The following LINGO2 variants were observed in gnomAD, a reference collection of about 807,000 sequenced individuals.
LINGO2 encodes the protein leucine rich repeat and Ig domain containing 2.
Under a neutral mutation model 30.6 loss-of-function variants are expected in LINGO2, and 14 were observed. The observed-to-expected ratio is 0.46, with a 90% CI of 0.30 to 0.72. The LOEUF (loss-of-function observed/expected upper bound fraction) is 0.72, where lower values mean the gene tolerates loss of function less well. LINGO2 is among the 30% of genes least tolerant of loss of function. LINGO2 has a pLI of 0.07. For synonymous variants in LINGO2, 317 were observed against 288.5 expected (o/e 1.10, Z -1.00); for missense variants, 729 against 751.7 (o/e 0.97, Z 0.35).
chr9:29,070,196 A>G, the LINGO2 span, among the ~76,000 whole-genome samples: 1 of 152,158 alleles, frequency 6.6e-6, no homozygotes, highest in Non-Finnish European at 1.5e-5. Flanking sequence ...TAAAAAAATT[A>G]GATAACATAC....
chr9:28,485,469 A>G (rs944683239), intron 1 of LINGO2, among the ~76,000 whole-genome samples: 1 of 152,138 alleles, frequency 6.6e-6, no homozygotes, highest in African/African-American at 2.4e-5. Context: ...CAAGTAAATG[A>G]TAATGACATT....
chr9:27,957,296 T>C (rs1002124814), intron 5 of LINGO2, among the ~76,000 whole-genome samples: 5 of 152,250 alleles, frequency 3.3e-5, no homozygotes, highest in South Asian at 2.1e-4. Flanking sequence ...GTAGCTTTTA[T>C]TTTTTGTTTG....
chr9:27,952,124 A>C (rs1819343646), intron 5 of LINGO2, among the ~76,000 whole-genome samples: 1 of 152,078 alleles, frequency 6.6e-6, no homozygotes, highest in African/African-American at 2.4e-5. Flanking sequence ...AATCAACTAA[A>C]ATGATTAGAA....
intron 4 of LINGO2, among the ~76,000 whole-genome samples, chr9:28,131,376 G>A (rs1827374375): frequency 6.6e-6 from 1 of 151,988 alleles, no homozygotes. Context: ...TTTCTTTTAT[G>A]TCACTTAACT....
the LINGO2 span, among the ~76,000 whole-genome samples, chr9:28,845,427 C>T: frequency 6.6e-6 from 1 of 151,776 alleles, no homozygotes. Context: ...CCTATTATGT[C>T]TTATGAAAAT....
In LINGO2 at chr9:28,329,125, C is replaced by T. The variant is rs190060202; in HGVS notation, c.-245-33759G>A. Among the ~76,000 whole-genome samples the T allele has an allele frequency of 9.9e-5, 15 of 152,220 alleles. No individual in the cohort carries two copies. The East Asian group carries it at 2.9e-3, about 29-fold the overall frequency. The stretch of plus-strand genomic sequence containing the variant: ...ATAAATATTTTTGCATATTCCTTTG[C>T]TCCAGTCACTTACTAAGACAGACAG... On this transcript the variant is annotated intron_variant, in intron 3 of 5. Transcript: ENST00000379992. The surrounding 1 kb of genome is among the most constrained non-coding windows in gnomAD (Gnocchi z 4.5).
chr9:28,588,781 G>A (rs538609377), intron 1 of LINGO2, among the ~76,000 whole-genome samples: 3 of 151,960 alleles, frequency 2.0e-5, no homozygotes, highest in Non-Finnish European at 4.4e-5. Flanking sequence ...ACAAGGACAG[G>A]TACAGATATT....
At chr9:28,990,197 A>G in the LINGO2 span, among the ~76,000 whole-genome samples, 18,431 of 152,136 alleles carry the variant, frequency 0.12, 1,095 homozygotes, top group South Asian at 0.15. Context: ...ACACCAGGAG[A>G]TTATATCCCG....
chr9:29,106,222 A>G, the LINGO2 span, among the ~76,000 whole-genome samples: 1 of 152,154 alleles, frequency 6.6e-6, no homozygotes, highest in Non-Finnish European at 1.5e-5. Context: ...TGAGTGAATT[A>G]TCTTAATTGG....
the LINGO2 span, among the ~76,000 whole-genome samples, chr9:28,943,182 A>G: frequency 6.6e-6 from 1 of 152,200 alleles, no homozygotes. Context: ...TGTCATAGTC[A>G]AAACAGTCAT....
intron 1 of LINGO2, among the ~76,000 whole-genome samples, chr9:28,572,063 G>T (rs1044973490): frequency 1.3e-5 from 2 of 151,972 alleles, no homozygotes; most frequent in Admixed American, 6.6e-5. Flanking sequence ...ACTCTACACC[G>T]TGCTGTCACC....
At chr9:28,539,085 C>A (rs1222383320) in intron 1 of LINGO2, among the ~76,000 whole-genome samples, 3 of 151,568 alleles carry the variant, frequency 2.0e-5, no homozygotes, top group East Asian at 1.9e-4. Flanking sequence ...AAAATACATA[C>A]CTAAATAAAA....
chr9:28,751,288 C>CAAAAAAAAAAAAAAAAAAA, the LINGO2 span, among the ~76,000 whole-genome samples: 2 of 82,020 alleles, frequency 2.4e-5, no homozygotes, highest in Non-Finnish European at 4.7e-5. Context: ...AAGATCCAGT[C>CAAAAAAAAAAAAAAAAAAA]AAAAAAAAAA....
the LINGO2 span, among the ~76,000 whole-genome samples, chr9:28,857,642 G>C: frequency 6.6e-6 from 1 of 152,052 alleles, no homozygotes; most frequent in Non-Finnish European, 1.5e-5. Context: ...TAGATCTGCA[G>C]TGTTAAATGC....
chr9:28,546,510 T>C (rs1309044879), intron 1 of LINGO2, among the ~76,000 whole-genome samples: 1 of 152,036 alleles, frequency 6.6e-6, no homozygotes, highest in Non-Finnish European at 1.5e-5. Flanking sequence ...TTCTCCTGAG[T>C]ATAGGGCAGG....
At chr9:28,355,055 C>T (rs1368829066) in intron 3 of LINGO2, among the ~76,000 whole-genome samples, 1 of 152,118 alleles carries the variant, frequency 6.6e-6, no homozygotes, top group Non-Finnish European at 1.5e-5. Context: ...CCAAAACATT[C>T]TAAAACTAAG....
rs531119250 is a variant in LINGO2 at position 27,950,436 on chromosome 9, G to A, written c.236C>T (p.Ser79Leu). The change falls in exon 6 of 6, where the codon TCA becomes TTA. Residue 79 changes from serine to leucine, a missense_variant. Transcript: ENST00000379992. Reference sequence around the variant, plus strand: ...GTCTATCTCTTCCAGCAGAGGATATGATATGAATTCTTCAGGGTTGACGCT... The same window carrying A: ...GTCTATCTCTTCCAGCAGAGGATATAATATGAATTCTTCAGGGTTGACGCT... 3.1e-6 allele frequency: 5 copies of A among 1,613,854 alleles called. No individual in the cohort carries two copies. The African/African-American group carries it at 6.7e-5, about 22-fold the overall frequency.
At chr9:27,994,477 G>A (rs758576683) in intron 5 of LINGO2, among the ~76,000 whole-genome samples, 2 of 152,074 alleles carry the variant, frequency 1.3e-5, no homozygotes, top group African/African-American at 4.8e-5. Context: ...CCTGAGAAAA[G>A]GGAGGTCTGG....
the LINGO2 span, among the ~76,000 whole-genome samples, chr9:28,830,250 G>C: frequency 6.6e-6 from 1 of 152,122 alleles, no homozygotes; most frequent in Non-Finnish European, 1.5e-5. Context: ...GGAAAGACTG[G>C]GGAGGGAGTC....
Sources: allele counts gnomAD v4.1 joint callset (sites outside exome capture counted in the v4.1 genomes callset), GRCh38; gene constraint gnomAD v4.1.1; non-coding constraint Gnocchi (gnomAD v3.1); transcripts MANE v1.5; gene names NCBI Gene and HGNC (gene_info 2026-07-23, HGNC 2026-07-21).